Variants in PAX7 observed in about 807,000 individuals in gnomAD.
PAX7 encodes the protein paired box protein Pax-7.
Under a neutral mutation model 50.7 loss-of-function variants are expected in PAX7, and 18 were observed. The observed-to-expected ratio is 0.36, with a 90% CI of 0.25 to 0.53. The LOEUF is 0.53. Among genes scored for constraint, PAX7 ranks in the 20% least tolerant of loss-of-function variants. The probability of loss-of-function intolerance (pLI) is 0.93; values close to 1 mark genes in which losing one functional copy is unlikely to be tolerated. For missense variants in PAX7, 644 were observed against 702.9 expected, an observed-to-expected ratio of 0.92 and a Z score of 0.95; for synonymous variants, 310 against 290.4, an observed-to-expected ratio of 1.07 and a Z score of -0.69.
intron 8 of PAX7, among the ~76,000 whole-genome samples, chr1:18,740,336 G>A (rs1931062144): frequency 6.6e-6 from 1 of 152,132 alleles, no homozygotes; most frequent in Admixed American, 6.6e-5. Context: ...CTCCTACTGT[G>A]TGCTGGGCCC....
Position 18,631,555 on chromosome 1 carries a change from C to G in PAX7, c.-49C>G, listed in dbSNP as rs959720734. ...TCGCAGCAGGGGTGAAGGGAGCGGA[C>G]GGGAAGCGATTTTTGCCGACTTTGG... On this transcript the variant is annotated 5_prime_UTR_variant, in exon 1 of 9. Coordinates refer to ENST00000420770, the MANE Select transcript of PAX7 (RefSeq NM_001135254.2). 2.0e-6 allele frequency: 3 copies of G among 1,497,158 alleles called. No homozygotes were observed. The highest frequency in any genetic ancestry group is 1.4e-5 in the African/African-American group (1 of 72,826). The allele number at this position is 1,497,158 out of a possible 1,614,324, so 92.7% of individuals were successfully genotyped here. A position where few individuals can be genotyped will look rare whatever the true frequency, so the allele number is the denominator to read the frequency against.
At chr1:18,658,598 A>G (rs912741754) in intron 4 of PAX7, among the ~76,000 whole-genome samples, 2 of 152,240 alleles carry the variant, frequency 1.3e-5, no homozygotes, top group Non-Finnish European at 2.9e-5. Flanking sequence ...TTGGGGGCTC[A>G]CCCTGATTTT....
intron 5 of PAX7, among the ~76,000 whole-genome samples, chr1:18,693,966 G>A (rs996165354): frequency 6.6e-6 from 1 of 152,208 alleles, no homozygotes; most frequent in Non-Finnish European, 1.5e-5. Context: ...CCCAGGCAAA[G>A]CCATCCTGAG....
chr1:18,635,384 G>C (rs1570100420), intron 3 of PAX7, 144 bp downstream of exon 3: 1 of 898,838 alleles, frequency 1.1e-6, no homozygotes, highest in Non-Finnish European at 1.6e-6. Flanking sequence ...AGTACAGAAA[G>C]GCAGAGTTAA....
chr1:18,706,471 T>C (rs1181528174), intron 7 of PAX7, among the ~76,000 whole-genome samples: 1 of 149,028 alleles, frequency 6.7e-6, no homozygotes. Flanking sequence ...TTTTTTTTTT[T>C]TTTTTTTTGA....
intron 7 of PAX7, among the ~76,000 whole-genome samples, chr1:18,730,262 A>G (rs2089630120): frequency 6.6e-6 from 1 of 152,216 alleles, no homozygotes; most frequent in Non-Finnish European, 1.5e-5. Flanking sequence ...TCAGAGTCGC[A>G]GTTAGTCAGG....
chr1:18,709,879 T>C (rs2089329477), intron 7 of PAX7, among the ~76,000 whole-genome samples: 1 of 152,222 alleles, frequency 6.6e-6, no homozygotes, highest in Non-Finnish European at 1.5e-5. Context: ...GGGCAATTAA[T>C]GGCAGAGTCA....
At chr1:18,737,258 C>G (rs1930782790) in intron 8 of PAX7, among the ~76,000 whole-genome samples, 1 of 152,218 alleles carries the variant, frequency 6.6e-6, no homozygotes, top group African/African-American at 2.4e-5. Context: ...AGGGTGAGGC[C>G]CCCATCCCTG....
intron 4 of PAX7, among the ~76,000 whole-genome samples, chr1:18,676,805 C>G (rs4920525): frequency 0.33 from 49,563 of 151,988 alleles, 8,495 homozygotes; most frequent in Middle Eastern, 0.4. Flanking sequence ...GCCAGCCCCG[C>G]TGTATGCCTG....
At chr1:18,694,073 C>T (rs1189605723) in intron 5 of PAX7, among the ~76,000 whole-genome samples, 1 of 152,204 alleles carries the variant, frequency 6.6e-6, no homozygotes, top group African/African-American at 2.4e-5. Flanking sequence ...AGGGACTCCC[C>T]ATTAGACCAG....
At position 18,726,145 on chromosome 1, in the gene PAX7, A is replaced by AGTGT. The variant is rs35982827; in HGVS notation, c.1156-9456_1156-9453dup. Among the ~76,000 whole-genome samples, 854 of 137,572 alleles carry AGTGT rather than the reference A, an allele frequency of 6.2e-3. 3 individuals carry two copies. Among genetic ancestry groups the AGTGT allele is most frequent in the East Asian group, 0.024 (105 of 4,442 alleles). 90.3% of individuals were successfully genotyped at this position (137,572 alleles called of 152,430 possible). On this transcript the variant is annotated intron_variant, in intron 7 of 8. Coordinates refer to ENST00000420770, the MANE Select transcript of PAX7 (RefSeq NM_001135254.2). This position sits in a 1 kb window ranked among gnomAD's most constrained non-coding sequence, Gnocchi z 4.8. ...ATAAAACAGACATTGGAAGAGTGTG[A>AGTGT]GTGTGTGTGTGTGTGTGTGTGTGTG...
chr1:18,657,425 T>C (rs2088538158), intron 4 of PAX7, among the ~76,000 whole-genome samples: 1 of 151,984 alleles, frequency 6.6e-6, no homozygotes, highest in Non-Finnish European at 1.5e-5. Flanking sequence ...CCTGCAGTTT[T>C]TAAAAACTGC....
In PAX7 at chr1:18,748,381, G is replaced by A. The variant is rs1163569649; in HGVS notation, c.*3452G>A. ...CTCATCAAGCTCCCGAATGTGTCTC[G>A]CACTATTGGACACTTTTTGGGGGTA... is the stretch of plus-strand genomic sequence containing the variant. On this transcript the variant is annotated 3_prime_UTR_variant, in exon 9 of 9. Coordinates refer to ENST00000420770, the MANE Select transcript of PAX7 (RefSeq NM_001135254.2). The A allele has an allele frequency of 1.7e-5, 4 of 230,292 alleles. No individual in the cohort carries two copies. Among genetic ancestry groups the A allele is most frequent in the Non-Finnish European group, 3.4e-5 (4 of 116,344 alleles). 14.3% of individuals were successfully genotyped at this position (230,292 alleles called of 1,614,324 possible). A position where few individuals can be genotyped will look rare whatever the true frequency, so the allele number is the denominator to read the frequency against.
chr1:18,727,872 A>G (rs1442858098), intron 7 of PAX7, among the ~76,000 whole-genome samples: 1 of 151,848 alleles, frequency 6.6e-6, no homozygotes, highest in Non-Finnish European at 1.5e-5. Context: ...ATAAGCAGAG[A>G]TGGAAACTGA....
intron 4 of PAX7, 94 bp from the exon 5 acceptor site, chr1:18,691,659 TG>T: frequency 9.5e-7 from 1 of 1,050,148 alleles, no homozygotes; most frequent in Non-Finnish European, 1.4e-6. Context: ...GGGTCCTAGG[TG>T]GGCACGAGTG....
chr1:18,671,292 A>T (rs1052792080), intron 4 of PAX7, among the ~76,000 whole-genome samples: 9 of 152,252 alleles, frequency 5.9e-5, no homozygotes, highest in African/African-American at 2.2e-4. Context: ...TGAGTGCATG[A>T]GAGACAGAAT....
At chr1:18,727,247 G>A (rs2089583601) in intron 7 of PAX7, among the ~76,000 whole-genome samples, 1 of 148,472 alleles carries the variant, frequency 6.7e-6, no homozygotes. Flanking sequence ...TTAGAAGCAT[G>A]CATACAACAC....
intron 4 of PAX7, among the ~76,000 whole-genome samples, chr1:18,672,608 T>TTTA (rs2088768344): frequency 6.7e-6 from 1 of 148,496 alleles, no homozygotes; most frequent in Non-Finnish European, 1.5e-5. Context: ...TTTTTTTTTT[T>TTTA]TTTTTTTTTG....
intron 7 of PAX7, among the ~76,000 whole-genome samples, chr1:18,730,200 A>G (rs1217773520): frequency 6.6e-6 from 1 of 152,198 alleles, no homozygotes; most frequent in African/African-American, 2.4e-5. Flanking sequence ...AATTATCATC[A>G]TACCTATTTT....
Sources: gnomAD v4.1 joint callset for allele counts (sites outside exome capture counted in the v4.1 genomes callset) on GRCh38, gnomAD v4.1.1 for gene constraint, Gnocchi (gnomAD v3.1) non-coding constraint, MANE v1.5 for transcripts, NCBI Gene and HGNC (gene_info 2026-07-23, HGNC 2026-07-21) for gene names.